Variants in SMYD3 observed in about 807,000 individuals in gnomAD.
The protein encoded by SMYD3 is histone-lysine N-methyltransferase SMYD3.
SMYD3 carries 36 observed loss-of-function variants against 57.7 expected under a neutral mutation model. That is an observed-to-expected ratio of 0.62 (90% confidence interval 0.48 to 0.82). SMYD3 has a LOEUF of 0.82. Among genes scored for constraint, SMYD3 ranks in the 40% least tolerant of loss-of-function variants. The pLI is 0.00. For missense variants in SMYD3, 515 were observed against 538.8 expected (o/e 0.96, Z 0.44); for synonymous variants, 211 against 195.0 (o/e 1.08, Z -0.68).
At chr1:246,067,319 T>G (rs1374366357) in intron 5 of SMYD3, among the ~76,000 whole-genome samples, 1 of 152,154 alleles carries the variant, frequency 6.6e-6, no homozygotes, top group Non-Finnish European at 1.5e-5. Flanking sequence ...TAGAACAGTA[T>G]TTGGAGCTGG....
At chr1:246,128,088 T>C (rs923252597) in intron 5 of SMYD3, among the ~76,000 whole-genome samples, 23 of 152,176 alleles carry the variant, frequency 1.5e-4, no homozygotes, top group African/African-American at 4.3e-4. Flanking sequence ...AGCAAAGCCC[T>C]GTTTGGTAGA....
intron 1 of SMYD3, among the ~76,000 whole-genome samples, chr1:246,439,066 G>C (rs1409936834): frequency 1.5e-5 from 2 of 136,666 alleles, no homozygotes; most frequent in Non-Finnish European, 3.1e-5. Context: ...TGCTGTATTG[G>C]TTTTATTTGT....
chr1:246,175,409 T>A (rs2062415178), intron 5 of SMYD3, among the ~76,000 whole-genome samples: 1 of 152,114 alleles, frequency 6.6e-6, no homozygotes, highest in African/African-American at 2.4e-5. Flanking sequence ...TCTGGAGTAA[T>A]AACTGTCTGC....
chr1:245,974,185 T>C (rs1010530771), intron 5 of SMYD3, among the ~76,000 whole-genome samples: 3 of 152,232 alleles, frequency 2.0e-5, no homozygotes, highest in Middle Eastern at 6.8e-3. Flanking sequence ...TGGAAGATGA[T>C]TTTTCAATGA....
At chr1:246,035,875 C>A (rs550427732) in intron 5 of SMYD3, among the ~76,000 whole-genome samples, 1 of 152,246 alleles carries the variant, frequency 6.6e-6, no homozygotes, top group South Asian at 2.1e-4. Flanking sequence ...CCACCATTTT[C>A]TCCACATCAA....
chr1:246,002,231 C>T (rs1234905146), intron 5 of SMYD3, among the ~76,000 whole-genome samples: 17 of 148,858 alleles, frequency 1.1e-4, no homozygotes, highest in South Asian at 4.4e-4. Context: ...GTCACCCAGG[C>T]TGGAGTGCTG....
chr1:245,776,963 T>A (rs940937350), intron 10 of SMYD3, among the ~76,000 whole-genome samples: 3 of 152,226 alleles, frequency 2.0e-5, no homozygotes, highest in African/African-American at 4.8e-5. Context: ...TAGGAGGATG[T>A]ATGGCTTGCA....
intron 5 of SMYD3, among the ~76,000 whole-genome samples, chr1:246,288,282 C>A (rs2064614412): frequency 6.6e-6 from 1 of 151,900 alleles, no homozygotes; most frequent in East Asian, 1.9e-4. Flanking sequence ...CCATGTTGGT[C>A]AGGCTGGTCT....
intron 1 of SMYD3, among the ~76,000 whole-genome samples, chr1:246,422,410 C>T (rs2067156828): frequency 7.0e-6 from 1 of 143,046 alleles, no homozygotes; most frequent in Admixed American, 7.0e-5. Context: ...ACAAAGGCTA[C>T]AATGTTTGCC....
intron 7 of SMYD3, among the ~76,000 whole-genome samples, chr1:245,922,762 T>C (rs2056069156): frequency 6.6e-6 from 1 of 152,190 alleles, no homozygotes; most frequent in African/African-American, 2.4e-5. Flanking sequence ...AGAATGAAGC[T>C]TTATTACTAA....
chr1:245,952,425 AAGAC>A (rs1310153326), intron 5 of SMYD3, among the ~76,000 whole-genome samples: 3 of 152,166 alleles, frequency 2.0e-5, no homozygotes, highest in Non-Finnish European at 4.4e-5. Flanking sequence ...GAAAAAGAAA[AAGAC>A]TGACAAGCAT....
chr1:246,209,185 T>C (rs562812058), intron 5 of SMYD3, among the ~76,000 whole-genome samples: 4 of 152,272 alleles, frequency 2.6e-5, no homozygotes, highest in South Asian at 4.1e-4. Context: ...ACACATTCAA[T>C]GAACATCATT....
chr1:246,503,898 G>A (rs894390270), intron 1 of SMYD3, among the ~76,000 whole-genome samples: 1 of 147,976 alleles, frequency 6.8e-6, no homozygotes, highest in Non-Finnish European at 1.5e-5. Context: ...AGGTTGTGGT[G>A]AGCCAAGATC....
chr1:246,463,400 C>A (rs1364736072), intron 1 of SMYD3, among the ~76,000 whole-genome samples: 1 of 151,938 alleles, frequency 6.6e-6, no homozygotes, highest in Non-Finnish European at 1.5e-5. Flanking sequence ...GTACTAGTTA[C>A]TGAAATAAGG....
intron 5 of SMYD3, among the ~76,000 whole-genome samples, chr1:246,076,540 C>T (rs1281875402): frequency 1.3e-5 from 2 of 152,262 alleles, no homozygotes; most frequent in East Asian, 3.9e-4. Flanking sequence ...AGTCAATCAA[C>T]TAGTACATAA....
intron 5 of SMYD3, among the ~76,000 whole-genome samples, chr1:246,293,823 C>T (rs2064742745): frequency 6.6e-6 from 1 of 152,162 alleles, no homozygotes; most frequent in Admixed American, 6.5e-5. Context: ...TTCTTCTATT[C>T]ACAGTCAGGT....
At chr1:246,222,236 A>G (rs115663279) in intron 5 of SMYD3, among the ~76,000 whole-genome samples, 1 of 152,172 alleles carries the variant, frequency 6.6e-6, no homozygotes, top group African/African-American at 2.4e-5. Flanking sequence ...ACTAATAATC[A>G]TAATAGAACT....
At chr1:245,968,936 T>A (rs1373547261) in intron 5 of SMYD3, among the ~76,000 whole-genome samples, 1 of 152,184 alleles carries the variant, frequency 6.6e-6, no homozygotes, top group Non-Finnish European at 1.5e-5. Flanking sequence ...TCTCTTCCTA[T>A]CATTGATAAT....
intron 10 of SMYD3, among the ~76,000 whole-genome samples, chr1:245,846,644 G>A (rs1256489345): frequency 6.6e-6 from 1 of 152,186 alleles, no homozygotes; most frequent in Admixed American, 6.5e-5. Flanking sequence ...TTCTCACTCT[G>A]GCTGTGAGGA....
Sources: allele counts gnomAD v4.1 joint callset (sites outside exome capture counted in the v4.1 genomes callset), GRCh38; gene constraint gnomAD v4.1.1; transcripts MANE v1.5; gene names NCBI Gene and HGNC (gene_info 2026-07-23, HGNC 2026-07-21).